Variants in PCDH9 observed in about 807,000 individuals in gnomAD.
PCDH9 encodes protocadherin-9.
A neutral mutation model predicts 70.6 loss-of-function variants in PCDH9; 24 were observed. That is an observed-to-expected ratio of 0.34 (90% CI 0.25 to 0.48). PCDH9 has a LOEUF of 0.48. Ranked by LOEUF, PCDH9 falls within the 20% of genes least tolerant of loss-of-function variation. PCDH9 has a pLI of 0.99. For synonymous variants in PCDH9, 562 were observed against 558.5 expected, an observed-to-expected ratio of 1.01 and a Z score of -0.09; for missense variants, 1,281 against 1,503.6, an observed-to-expected ratio of 0.85 and a Z score of 2.45.
intron 2 of PCDH9, among the ~76,000 whole-genome samples, chr13:67,023,502 A>C (rs17082052): frequency 0.046 from 6,955 of 152,306 alleles, 282 homozygotes; most frequent in African/African-American, 0.11. Context: ...TTAACAGATA[A>C]TTGAAATGAC....
In PCDH9 at chr13:66,487,334, G is replaced by C. The variant is rs564451569; in HGVS notation, c.3340+143876C>G. On this transcript the variant is annotated intron_variant, in intron 4 of 4. Coordinates refer to ENST00000377865, the MANE Select transcript of PCDH9 (RefSeq NM_203487.3). ...AATAATTCCTCAAAGCATTATCTAAGTCTGTACACATGTTATCTAGGACAA... is the reference window on the plus strand; with the variant it reads ...AATAATTCCTCAAAGCATTATCTAACTCTGTACACATGTTATCTAGGACAA... Among the ~76,000 whole-genome samples, 355 of 152,236 alleles carry C rather than the reference G, an allele frequency of 2.3e-3. 2 individuals carry two copies. Among genetic ancestry groups the C allele is most frequent in the African/African-American group, 8.2e-3 (340 of 41,556 alleles).
At chr13:67,071,767 T>C (rs1018096206) in intron 2 of PCDH9, among the ~76,000 whole-genome samples, 1 of 151,644 alleles carries the variant, frequency 6.6e-6, no homozygotes, top group African/African-American at 2.4e-5. Context: ...TGGACACCTG[T>C]AATCCCAGCT....
chr13:66,315,506 G>A (rs1392135506), intron 4 of PCDH9, among the ~76,000 whole-genome samples: 1 of 151,918 alleles, frequency 6.6e-6, no homozygotes, highest in Non-Finnish European at 1.5e-5. Context: ...TTTTGAAATG[G>A]AGTTTCGCTC....
At chr13:66,772,557 T>C (rs1227534852) in intron 3 of PCDH9, among the ~76,000 whole-genome samples, 1 of 152,190 alleles carries the variant, frequency 6.6e-6, no homozygotes, top group Non-Finnish European at 1.5e-5. Flanking sequence ...TCAAACATTA[T>C]TTGTATTTTT....
intron 2 of PCDH9, 122 bp downstream of exon 2, chr13:67,225,283 T>G: frequency 8.5e-6 from 11 of 1,301,088 alleles, no homozygotes; most frequent in Non-Finnish European, 1.2e-5. Context: ...GGTCAAGTTT[T>G]TTTTTACCTC....
intron 2 of PCDH9, among the ~76,000 whole-genome samples, chr13:67,051,530 T>C (rs550056991): frequency 7.3e-5 from 11 of 151,636 alleles, no homozygotes; most frequent in African/African-American, 2.4e-4. Context: ...ATAGCTGGGA[T>C]TACAGGTGCG....
chr13:66,568,145 T>C (rs886659407), intron 4 of PCDH9, among the ~76,000 whole-genome samples: 18 of 152,104 alleles, frequency 1.2e-4, no homozygotes, highest in African/African-American at 4.3e-4. Context: ...CTGATAGGGT[T>C]GGTTCTCCTA....
At position 66,650,384 on chromosome 13, in the gene PCDH9, G is replaced by C. The variant is rs539265455; in HGVS notation, c.3139-18973C>G. Among the ~76,000 whole-genome samples, 15 of 151,972 alleles carry C rather than the reference G, an allele frequency of 9.9e-5. No individual in the cohort carries two copies. The South Asian group carries it at 3.1e-3, about 31-fold the overall frequency. Reference sequence around the variant, plus strand: ...AAAACTCTAAAAGAGATGCAGAAGAGCATTATATAATGATAAAGGGGCCAA... The same window carrying C: ...AAAACTCTAAAAGAGATGCAGAAGACCATTATATAATGATAAAGGGGCCAA... On this transcript the variant is annotated intron_variant, in intron 3 of 4. Coordinates refer to ENST00000377865, the MANE Select transcript of PCDH9 (RefSeq NM_203487.3).
chr13:66,634,916 A>G (rs922057451), intron 3 of PCDH9, among the ~76,000 whole-genome samples: 2 of 152,102 alleles, frequency 1.3e-5, no homozygotes, highest in African/African-American at 4.8e-5. Flanking sequence ...CGCAGCTCTT[A>G]GTGTGGGGTG....
chr13:66,513,300 T>C (rs1334150163), intron 4 of PCDH9, among the ~76,000 whole-genome samples: 1 of 151,918 alleles, frequency 6.6e-6, no homozygotes, highest in Non-Finnish European at 1.5e-5. Context: ...AATGAAAACT[T>C]TTACAAAATG....
intron 3 of PCDH9, among the ~76,000 whole-genome samples, chr13:66,883,926 C>G (rs545624111): frequency 8.4e-4 from 116 of 138,176 alleles, no homozygotes; most frequent in Non-Finnish European, 1.5e-3. Flanking sequence ...TTTTTGAGTC[C>G]AAGTCTCACT....
intron 3 of PCDH9, among the ~76,000 whole-genome samples, chr13:66,864,114 A>G (rs1358155340): frequency 1.3e-5 from 2 of 152,168 alleles, no homozygotes; most frequent in Non-Finnish European, 2.9e-5. Context: ...TTATCCTCCC[A>G]GGACACATGG....
intron 4 of PCDH9, among the ~76,000 whole-genome samples, chr13:66,396,288 C>G (rs572676161): frequency 6.6e-6 from 1 of 152,100 alleles, no homozygotes; most frequent in Non-Finnish European, 1.5e-5. Context: ...TTTCAACTCC[C>G]CTTTATGAAT....
At chr13:67,045,166 C>T (rs928695139) in intron 2 of PCDH9, among the ~76,000 whole-genome samples, 3 of 152,026 alleles carry the variant, frequency 2.0e-5, no homozygotes, top group Non-Finnish European at 2.9e-5. Context: ...GGAACACAAC[C>T]CTTTACCCAG....
intron 4 of PCDH9, among the ~76,000 whole-genome samples, chr13:66,353,075 T>G (rs985652059): frequency 6.6e-6 from 1 of 152,214 alleles, no homozygotes; most frequent in African/African-American, 2.4e-5. Flanking sequence ...AAATGCTGGA[T>G]AAGGTCAAAT....
chr13:67,184,771 G>A (rs1243560185), intron 2 of PCDH9, among the ~76,000 whole-genome samples: 1 of 152,086 alleles, frequency 6.6e-6, no homozygotes, highest in African/African-American at 2.4e-5. Context: ...AGGGCAGGGT[G>A]AGGGGTATTG....
chr13:66,768,092 C>A (rs9571660), intron 3 of PCDH9, among the ~76,000 whole-genome samples: 44,254 of 151,854 alleles, frequency 0.29, 6,715 homozygotes, highest in East Asian at 0.43. Flanking sequence ...AAAAAAAGAC[C>A]TATTTTAGTA....
At chr13:66,894,913 T>C (rs1327056334) in intron 3 of PCDH9, among the ~76,000 whole-genome samples, 4 of 152,046 alleles carry the variant, frequency 2.6e-5, no homozygotes, top group African/African-American at 9.7e-5. Context: ...GTTCAAGTGA[T>C]TCTAGTGCCT....
intron 4 of PCDH9, among the ~76,000 whole-genome samples, chr13:66,464,559 C>T (rs974668118): frequency 5.3e-5 from 8 of 151,858 alleles, no homozygotes; most frequent in Non-Finnish European, 1.0e-4. Flanking sequence ...GTGTGCTCAA[C>T]CTGAAGCAGC....
Sources: allele counts gnomAD v4.1 joint callset (sites outside exome capture counted in the v4.1 genomes callset), GRCh38; gene constraint gnomAD v4.1.1; transcripts MANE v1.5; gene names NCBI Gene and HGNC (gene_info 2026-07-23, HGNC 2026-07-21).